Variants in UBE2E2 observed in about 807,000 individuals in gnomAD.
UBE2E2 encodes the protein ubiquitin-conjugating enzyme E2 E2.
In UBE2E2, 6 loss-of-function variants were observed where a neutral mutation model predicts 24.7. The observed-to-expected ratio is 0.24, with a 90% confidence interval of 0.13 to 0.48. UBE2E2 has a LOEUF of 0.48. Ranked by LOEUF, UBE2E2 falls within the 20% of genes least tolerant of loss-of-function variation. The pLI is 0.99. For missense variants in UBE2E2, 169 were observed against 245.0 expected, an observed-to-expected ratio of 0.69 and a Z score of 2.07; for synonymous variants, 104 against 83.6, an observed-to-expected ratio of 1.24 and a Z score of -1.33.
chr3:23,562,923 T>C (rs1177086448), intron 5 of UBE2E2, among the ~76,000 whole-genome samples: 2 of 152,224 alleles, frequency 1.3e-5, no homozygotes, highest in African/African-American at 4.8e-5. Context: ...ATATCCCCTT[T>C]ATCGTTTTTT....
chr3:23,320,300 G>A (rs1694707548), intron 3 of UBE2E2, among the ~76,000 whole-genome samples: 1 of 152,292 alleles, frequency 6.6e-6, no homozygotes, highest in South Asian at 2.1e-4. Context: ...AGTAGCCCCT[G>A]TTCTTCTTTC....
At chr3:23,369,568 T>G (rs1696346638) in intron 3 of UBE2E2, among the ~76,000 whole-genome samples, 1 of 152,160 alleles carries the variant, frequency 6.6e-6, no homozygotes, top group African/African-American at 2.4e-5. Flanking sequence ...CTCAGCATGT[T>G]TCAGAACTAC....
intron 3 of UBE2E2, among the ~76,000 whole-genome samples, chr3:23,305,236 A>G (rs536555612): frequency 1.3e-5 from 2 of 152,332 alleles, no homozygotes; most frequent in South Asian, 2.1e-4. Context: ...CATTGTTTCA[A>G]TTAAAAATGG....
chr3:23,369,924 A>G (rs1362483899), intron 3 of UBE2E2, among the ~76,000 whole-genome samples: 1 of 152,178 alleles, frequency 6.6e-6, no homozygotes, highest in African/African-American at 2.4e-5. Context: ...TAAATTTTGT[A>G]TAATTTTTTA....
At chr3:23,297,084 T>G (rs1358204213) in intron 3 of UBE2E2, among the ~76,000 whole-genome samples, 1 of 152,210 alleles carries the variant, frequency 6.6e-6, no homozygotes, top group Non-Finnish European at 1.5e-5. Flanking sequence ...TTTTCATGTG[T>G]TTTTGGGCTG....
chr3:23,560,241 G>A (rs62256974), intron 5 of UBE2E2, among the ~76,000 whole-genome samples: 7 of 104,988 alleles, frequency 6.7e-5, no homozygotes, highest in Admixed American at 5.0e-4. Flanking sequence ...AACAGGCCCC[G>A]GTGTGTGATG....
chr3:23,449,771 T>C (rs969630375), intron 3 of UBE2E2: 2 of 672,694 alleles, frequency 3.0e-6, no homozygotes, highest in African/African-American at 3.9e-5. Context: ...ATTAACTAAA[T>C]AATCCAGTAA....
At chr3:23,260,572 G>A (rs1697868211) in intron 3 of UBE2E2, among the ~76,000 whole-genome samples, 1 of 152,096 alleles carries the variant, frequency 6.6e-6, no homozygotes. Context: ...CAGCACTTTG[G>A]GAGGTCGAGG....
intron 3 of UBE2E2, among the ~76,000 whole-genome samples, chr3:23,377,471 A>AT (rs1201188093): frequency 6.6e-6 from 1 of 152,216 alleles, no homozygotes; most frequent in Non-Finnish European, 1.5e-5. Context: ...CAGGATTTGC[A>AT]AAAGCCTTGA....
chr3:23,440,000 T>A (rs1020920763), intron 3 of UBE2E2, among the ~76,000 whole-genome samples: 4 of 150,588 alleles, frequency 2.7e-5, no homozygotes, highest in African/African-American at 9.7e-5. Flanking sequence ...GGCTGGGCAT[T>A]GTGTATCACG....
At chr3:23,441,499 A>G (rs1358508661) in intron 3 of UBE2E2, among the ~76,000 whole-genome samples, 1 of 145,846 alleles carries the variant, frequency 6.9e-6, no homozygotes, top group Non-Finnish European at 1.5e-5. Flanking sequence ...AGATCGCGCC[A>G]CTGCACTCCA....
chr3:23,468,953 G>T (rs1363445516), intron 3 of UBE2E2, among the ~76,000 whole-genome samples: 1 of 152,196 alleles, frequency 6.6e-6, no homozygotes, highest in African/African-American at 2.4e-5. Flanking sequence ...GATCTTATGT[G>T]ACCTCATTGT....
chr3:23,360,408 C>T (rs1696081630), intron 3 of UBE2E2, among the ~76,000 whole-genome samples: 1 of 152,150 alleles, frequency 6.6e-6, no homozygotes, highest in Non-Finnish European at 1.5e-5. Flanking sequence ...GCTGTGGATA[C>T]AAAGATGAAT....
chr3:23,486,797 C>T (rs981175252), intron 3 of UBE2E2, among the ~76,000 whole-genome samples: 3 of 152,188 alleles, frequency 2.0e-5, no homozygotes, highest in Non-Finnish European at 4.4e-5. Flanking sequence ...GAAGTAGGTG[C>T]TGACTGGTCC....
At chr3:23,268,097 T>C (rs1698105480) in intron 3 of UBE2E2, among the ~76,000 whole-genome samples, 1 of 151,680 alleles carries the variant, frequency 6.6e-6, no homozygotes, top group Admixed American at 6.6e-5. Context: ...ACAGGCAATA[T>C]CATACTGAAT....
chr3:23,480,224 G>A (rs1478328286), intron 3 of UBE2E2, among the ~76,000 whole-genome samples: 1 of 152,230 alleles, frequency 6.6e-6, no homozygotes, highest in Non-Finnish European at 1.5e-5. Context: ...GGGGGCTGGT[G>A]TGTCAGTGCT....
At chr3:23,399,235 C>T (rs1697155558) in intron 3 of UBE2E2, among the ~76,000 whole-genome samples, 1 of 152,172 alleles carries the variant, frequency 6.6e-6, no homozygotes, top group South Asian at 2.1e-4. Context: ...TTAAAGAAAG[C>T]AGTTTATGCC....
intron 3 of UBE2E2, among the ~76,000 whole-genome samples, chr3:23,350,624 GA>G (rs1469672918): frequency 2.0e-5 from 3 of 152,212 alleles, no homozygotes; most frequent in African/African-American, 7.2e-5. Flanking sequence ...TCAACTGGAA[GA>G]AAGGGTATCA....
intron 3 of UBE2E2, among the ~76,000 whole-genome samples, chr3:23,414,158 TA>T (rs1174212146): frequency 6.6e-6 from 1 of 152,194 alleles, no homozygotes; most frequent in Non-Finnish European, 1.5e-5. Context: ...TGTTACAGTA[TA>T]AAAGAACCTT....
Sources: allele counts gnomAD v4.1 joint callset (sites outside exome capture counted in the v4.1 genomes callset), GRCh38; gene constraint gnomAD v4.1.1; transcripts MANE v1.5; gene names NCBI Gene and HGNC (gene_info 2026-07-23, HGNC 2026-07-21).